Variants in GABBR2 observed in about 807,000 individuals in gnomAD.
The protein encoded by GABBR2 is gamma-aminobutyric acid type B receptor subunit 2.
A neutral mutation model predicts 105.6 loss-of-function variants in GABBR2; 23 were observed. The observed-to-expected ratio is 0.22, with a 90% CI of 0.16 to 0.31. The LOEUF is 0.31. Among genes scored for constraint, GABBR2 ranks in the 10% least tolerant of loss-of-function variants. The probability of loss-of-function intolerance (pLI) is 1.00; values close to 1 mark genes in which losing one functional copy is unlikely to be tolerated. For synonymous variants in GABBR2, 478 were observed against 499.7 expected, an observed-to-expected ratio of 0.96 and a Z score of 0.58; for missense variants, 734 against 1,245.5, an observed-to-expected ratio of 0.59 and a Z score of 6.18.
intron 1 of GABBR2, among the ~76,000 whole-genome samples, chr9:98,616,362 C>T (rs2131817874): frequency 6.6e-6 from 1 of 152,308 alleles, no homozygotes; most frequent in Admixed American, 6.5e-5. Context: ...AGTCTGGAAA[C>T]CAAAGATAAT....
At chr9:98,618,113 A>G (rs945948591) in intron 1 of GABBR2, among the ~76,000 whole-genome samples, 5 of 152,198 alleles carry the variant, frequency 3.3e-5, no homozygotes, top group Non-Finnish European at 7.3e-5. Flanking sequence ...TACCCACATC[A>G]GAGGCCTGTG....
intron 6 of GABBR2, among the ~76,000 whole-genome samples, chr9:98,464,554 G>T (rs532785406): frequency 1.3e-5 from 2 of 150,666 alleles, no homozygotes; most frequent in Non-Finnish European, 3.0e-5. Context: ...CGGCCGCCCT[G>T]TCTGGGAAGT....
intron 17 of GABBR2, among the ~76,000 whole-genome samples, chr9:98,296,046 T>G (rs1400755318): frequency 6.6e-6 from 1 of 152,232 alleles, no homozygotes; most frequent in Non-Finnish European, 1.5e-5. Context: ...ATATCCATAC[T>G]GCTATGGTCT....
rs148987659 is a variant in GABBR2, at chr9:98,344,858, G to A, written c.1893+17857C>T. On this transcript the variant is annotated intron_variant, in intron 13 of 18. Coordinates refer to ENST00000259455, the MANE Select transcript of GABBR2 (RefSeq NM_005458.8). ...AGCTGCTTCCCCACAAATCTCTACCGACTGGACAAACTACTCTTTTGTCCA... is the reference window on the plus strand; with the variant it reads ...AGCTGCTTCCCCACAAATCTCTACCAACTGGACAAACTACTCTTTTGTCCA... 3.1e-3 allele frequency among the ~76,000 whole-genome samples: 470 copies of A among 152,114 alleles called. 2 individuals carry two copies. The highest frequency in any genetic ancestry group is 0.01 in the African/African-American group (434 of 41,482).
At chr9:98,418,256 A>T (rs928542252) in intron 7 of GABBR2, among the ~76,000 whole-genome samples, 1 of 151,996 alleles carries the variant, frequency 6.6e-6, no homozygotes, top group Non-Finnish European at 1.5e-5. Flanking sequence ...GGTGGGAGGG[A>T]GGCTGGGCAT....
chr9:98,302,181 A>G (rs977326865), intron 16 of GABBR2, among the ~76,000 whole-genome samples: 1 of 152,176 alleles, frequency 6.6e-6, no homozygotes, highest in African/African-American at 2.4e-5. Context: ...GACGTTTCCC[A>G]GCCTCTCCTC....
chr9:98,324,055 C>T (rs971605306), intron 13 of GABBR2, among the ~76,000 whole-genome samples: 3 of 152,130 alleles, frequency 2.0e-5, no homozygotes, highest in Admixed American at 2.0e-4. Flanking sequence ...ATACTAAGCC[C>T]AGGAGTGGGC....
Position 98,349,344 on chromosome 9 carries a change from GTTTTGTTTT to G in GABBR2, c.1893+13362_1893+13370del, listed in dbSNP as rs1258813236. Among the ~76,000 whole-genome samples, 7 of 105,484 alleles carry G rather than the reference GTTTTGTTTT, an allele frequency of 6.6e-5. 1 individual carries two copies. The highest frequency in any genetic ancestry group is 3.1e-4 in the Admixed American group (3 of 9,692). 69.2% of individuals were successfully genotyped at this position (105,484 alleles called of 152,430 possible). A position where few individuals can be genotyped will look rare whatever the true frequency, so the allele number is the denominator to read the frequency against. On this transcript the variant is annotated intron_variant, in intron 13 of 18. Transcript: ENST00000259455. The stretch of plus-strand genomic sequence containing the variant: ...TTTGGTTTGCCAATATTTTGTTGAA[GTTTTGTTTT>G]TTTTTTTTTTTTTTTTTTTTTTTTT...
At chr9:98,634,531 G>A (rs187835037) in intron 1 of GABBR2, among the ~76,000 whole-genome samples, 5 of 152,300 alleles carry the variant, frequency 3.3e-5, no homozygotes, top group South Asian at 2.1e-4. Flanking sequence ...AGAGATGGGC[G>A]TGATGGTGCC....
intron 4 of GABBR2, among the ~76,000 whole-genome samples, chr9:98,484,587 T>C (rs1008142455): frequency 6.6e-6 from 1 of 151,950 alleles, no homozygotes; most frequent in Non-Finnish European, 1.5e-5. Context: ...TGGATGGGGA[T>C]CTTGGGGGGC....
At chr9:98,608,186 A>G (rs950580523) in intron 1 of GABBR2, 2 of 1,051,234 alleles carry the variant, frequency 1.9e-6, no homozygotes, top group Admixed American at 2.1e-5. Flanking sequence ...CAGCTTGGAC[A>G]TCAGTGTTTG....
At chr9:98,464,590 C>T (rs1395702944) in intron 6 of GABBR2, among the ~76,000 whole-genome samples, 8 of 152,106 alleles carry the variant, frequency 5.3e-5, no homozygotes, top group East Asian at 1.9e-4. Context: ...CAAGCCGCCC[C>T]GTCTGGGAAG....
chr9:98,434,412 TG>T (rs945410535), intron 7 of GABBR2, among the ~76,000 whole-genome samples: 1 of 152,192 alleles, frequency 6.6e-6, no homozygotes, highest in Non-Finnish European at 1.5e-5. Context: ...AGCTGAGCTC[TG>T]GGCCAGTCAG....
chr9:98,677,902 C>T (rs1398137803), intron 1 of GABBR2, among the ~76,000 whole-genome samples: 1 of 152,160 alleles, frequency 6.6e-6, no homozygotes, highest in Non-Finnish European at 1.5e-5. Context: ...ATCACTCACC[C>T]GTAAATATTA....
chr9:98,473,416 A>G, intron 5 of GABBR2, 70 bp from the exon 6 acceptor site: 1 of 997,394 alleles, frequency 1.0e-6, no homozygotes, highest in Non-Finnish European at 1.6e-6. Context: ...CCTGGAAGAC[A>G]GGTGGGGAGG....
rs186467664 is a variant in GABBR2 at position 98,405,767 on chromosome 9, C to G, written c.1297+314G>C. On this transcript the variant is annotated intron_variant, in intron 8 of 18. Coordinates refer to ENST00000259455, the MANE Select transcript of GABBR2 (RefSeq NM_005458.8). ...TACTCTATTGTTTAGGGAATAACGA[C>G]AAGAAAAAAAAGTCTGTATGTATTT... Among the ~76,000 whole-genome samples, 5 of 151,828 alleles carry G rather than the reference C, an allele frequency of 3.3e-5. No individual in the cohort carries two copies. The East Asian group carries it at 9.6e-4, about 29-fold the overall frequency.
At chr9:98,347,971 C>T (rs1159290033) in intron 13 of GABBR2, among the ~76,000 whole-genome samples, 1 of 152,178 alleles carries the variant, frequency 6.6e-6, no homozygotes, top group African/African-American at 2.4e-5. Flanking sequence ...TTGCCTGCCA[C>T]CATTTAAGAT....
At chr9:98,464,751 G>A (rs1826510254) in intron 6 of GABBR2, among the ~76,000 whole-genome samples, 1 of 152,164 alleles carries the variant, frequency 6.6e-6, no homozygotes, top group African/African-American at 2.4e-5. Context: ...AGACATAGGA[G>A]ACTCCATTTT....
chr9:98,353,296 C>T (rs538127070), intron 13 of GABBR2, among the ~76,000 whole-genome samples: 3 of 152,276 alleles, frequency 2.0e-5, no homozygotes, highest in East Asian at 1.9e-4. Flanking sequence ...TCTTTAGGCT[C>T]CACTTCTAAT....
Sources: allele counts gnomAD v4.1 joint callset (sites outside exome capture counted in the v4.1 genomes callset), GRCh38; gene constraint gnomAD v4.1.1; transcripts MANE v1.5; gene names NCBI Gene and HGNC (gene_info 2026-07-23, HGNC 2026-07-21).